AIDA: variants seen among roughly 807,000 people sequenced by gnomAD.
The protein encoded by AIDA is axin interactor, dorsalization associated.
AIDA carries 18 observed loss-of-function variants against 42.7 expected under a neutral mutation model. That is an observed-to-expected ratio of 0.42 (90% CI 0.29 to 0.63). The LOEUF (loss-of-function observed/expected upper bound fraction) is 0.63, where lower values mean the gene tolerates loss of function less well. AIDA is among the 20% of genes least tolerant of loss of function. The pLI, the probability that AIDA is intolerant of heterozygous loss-of-function variation, is 0.19. For missense variants in AIDA, 250 were observed against 354.1 expected, an observed-to-expected ratio of 0.71 and a Z score of 2.36; for synonymous variants, 104 against 122.9, an observed-to-expected ratio of 0.85 and a Z score of 1.02.
intron 5 of AIDA, among the ~76,000 whole-genome samples, chr1:222,687,392 C>T (rs3008638): frequency 1 from 151,856 of 152,230 alleles, 75,743 homozygotes; most frequent in Middle Eastern, 1. Flanking sequence ...GATAGCGCCA[C>T]TGCATGCCAG....
chr1:222,680,902 C>T (rs1385652642), intron 6 of AIDA, among the ~76,000 whole-genome samples: 2 of 151,884 alleles, frequency 1.3e-5, no homozygotes, highest in Non-Finnish European at 1.5e-5. Context: ...TGTGAAATTA[C>T]AAGACGTTTT....
intron 2 of AIDA, among the ~76,000 whole-genome samples, chr1:222,701,950 C>T (rs2124967593): frequency 6.6e-6 from 1 of 151,992 alleles, no homozygotes; most frequent in South Asian, 2.1e-4. Context: ...TCTCGAACTC[C>T]TGACCTCAAG....
chr1:222,691,042 G>A (rs1655356133), intron 4 of AIDA, among the ~76,000 whole-genome samples: 2 of 152,164 alleles, frequency 1.3e-5, no homozygotes, highest in African/African-American at 4.8e-5. Flanking sequence ...GACACAAACA[G>A]GATGAGTGTG....
chr1:222,702,460 C>T (rs1655735794), intron 2 of AIDA, among the ~76,000 whole-genome samples: 2 of 152,074 alleles, frequency 1.3e-5, no homozygotes, highest in South Asian at 4.2e-4. Context: ...TGTTTCCTCC[C>T]ATTCCTTCTA....
intron 2 of AIDA, 124 bp downstream of exon 2, chr1:222,703,024 C>CT (rs1655749938): frequency 1.5e-6 from 1 of 665,168 alleles, no homozygotes; most frequent in African/African-American, 1.9e-5. Flanking sequence ...CAATATCATT[C>CT]TTTTTACTTA....
At chr1:222,689,493 A>ATG (rs1655296471) in intron 4 of AIDA, among the ~76,000 whole-genome samples, 1 of 51,682 alleles carries the variant, frequency 1.9e-5, no homozygotes, top group Non-Finnish European at 4.0e-5. Context: ...ATATATATAT[A>ATG]TATATATATA....
At chr1:222,681,761 TGGG>T (rs1465569022) in intron 6 of AIDA, among the ~76,000 whole-genome samples, 3 of 152,118 alleles carry the variant, frequency 2.0e-5, no homozygotes, top group Non-Finnish European at 4.4e-5. Context: ...ACTGCCACCA[TGGG>T]GAGGGGATGT....
intron 6 of AIDA, among the ~76,000 whole-genome samples, chr1:222,680,588 T>A (rs992385041): frequency 6.6e-6 from 1 of 152,206 alleles, no homozygotes; most frequent in South Asian, 2.1e-4. Context: ...TGAGACCTAC[T>A]TATTAATATG....
intron 4 of AIDA, among the ~76,000 whole-genome samples, chr1:222,689,559 GTATA>G (rs1491531897): frequency 1.3e-4 from 4 of 30,618 alleles, no homozygotes; most frequent in African/African-American, 2.3e-4. Flanking sequence ...ACATATATAT[GTATA>G]TATATGTATA....
chr1:222,671,507 T>A (rs1664448732), intron 8 of AIDA, among the ~76,000 whole-genome samples: 1 of 152,064 alleles, frequency 6.6e-6, no homozygotes, highest in Admixed American at 6.5e-5. Flanking sequence ...ATGACAAAAC[T>A]CACAAGTCAC....
chr1:222,686,208 A>G (rs1388541718), intron 6 of AIDA, among the ~76,000 whole-genome samples: 1 of 152,234 alleles, frequency 6.6e-6, no homozygotes, highest in Non-Finnish European at 1.5e-5. Context: ...CAGTCTACAG[A>G]AAAGAATTAA....
intron 4 of AIDA, among the ~76,000 whole-genome samples, chr1:222,690,846 C>A (rs1451230413): frequency 6.6e-6 from 1 of 152,110 alleles, no homozygotes; most frequent in Non-Finnish European, 1.5e-5. Flanking sequence ...CTCATTCATT[C>A]TCTTTCTTTC....
chr1:222,709,863 TTAG>T (rs1655946327), intron 1 of AIDA, among the ~76,000 whole-genome samples: 2 of 152,218 alleles, frequency 1.3e-5, no homozygotes, highest in Non-Finnish European at 1.5e-5. Context: ...TCCCTAACCC[TTAG>T]TTGTTGAGTC....
chr1:222,705,785 G>A (rs564676327), intron 1 of AIDA, among the ~76,000 whole-genome samples: 1 of 152,250 alleles, frequency 6.6e-6, no homozygotes, highest in African/African-American at 2.4e-5. Flanking sequence ...TGTGGAGGCT[G>A]AGGCAGGAGA....
At chr1:222,702,224 T>C (rs1655728604) in intron 2 of AIDA, among the ~76,000 whole-genome samples, 2 of 152,134 alleles carry the variant, frequency 1.3e-5, no homozygotes, top group Admixed American at 6.6e-5. Context: ...CGTAGATGAA[T>C]AGACTAAAAT....
At position 222,689,544 on chromosome 1, in the gene AIDA, T is replaced by C. The variant is rs576965646; in HGVS notation, c.290-1886A>G. Among the ~76,000 whole-genome samples the C allele has an allele frequency of 9.4e-3, 818 of 86,838 alleles. 26 individuals carry two copies. The highest frequency in any genetic ancestry group is 0.033 in the African/African-American group (776 of 23,780). The allele number at this position is 86,838 out of a possible 152,430, so 57.0% of individuals were successfully genotyped here. ...ATACACACATACACACACACACATA[T>C]ATATACATATATATGTATATATATG... On this transcript the variant is annotated intron_variant, in intron 4 of 9. Coordinates refer to ENST00000340020, the MANE Select transcript of AIDA (RefSeq NM_022831.4).
rs1273851191 is a variant in AIDA at position 222,668,855 on chromosome 1, C to T, written c.*1038G>A. On this transcript the variant is annotated 3_prime_UTR_variant, in exon 10 of 10. Transcript: ENST00000340020. ...TAAGTCAAAAGTAAATTATAGTAAG[C>T]TAATGACCTGCATATTTTCATATGG... The T allele has an allele frequency of 1.3e-5, 2 of 148,916 alleles. No homozygotes were observed. Among genetic ancestry groups the T allele is most frequent in the Non-Finnish European group, 3.0e-5 (2 of 67,298 alleles). 9.2% of individuals were successfully genotyped at this position (148,916 alleles called of 1,614,324 possible). A position where few individuals can be genotyped will look rare whatever the true frequency, so the allele number is the denominator to read the frequency against.
At chr1:222,703,846 A>G (rs1655774668) in intron 1 of AIDA, among the ~76,000 whole-genome samples, 1 of 152,224 alleles carries the variant, frequency 6.6e-6, no homozygotes, top group African/African-American at 2.4e-5. Flanking sequence ...TTATTAGTCC[A>G]AGCTCAACAA....
At chr1:222,676,725 A>C (rs1664549688) in intron 6 of AIDA, among the ~76,000 whole-genome samples, 4 of 152,032 alleles carry the variant, frequency 2.6e-5, no homozygotes, top group Admixed American at 6.6e-5. Context: ...GCACAATCAC[A>C]GCTCACTGCA....
Sources: gnomAD v4.1 joint callset for allele counts (sites outside exome capture counted in the v4.1 genomes callset) on GRCh38, gnomAD v4.1.1 for gene constraint, MANE v1.5 for transcripts, NCBI Gene and HGNC (gene_info 2026-07-23, HGNC 2026-07-21) for gene names.